Variants in ERC1 observed in about 807,000 individuals in gnomAD.
ERC1 encodes the protein RAB6 interacting protein 2.
Under a neutral mutation model 132.0 loss-of-function variants are expected in ERC1, and 56 were observed. The ratio of observed to expected loss-of-function variants is 0.42; its 90% confidence interval spans 0.34 to 0.53. The LOEUF is 0.53. Among genes scored for constraint, ERC1 ranks in the 20% least tolerant of loss-of-function variants. ERC1 has a pLI of 0.03. For synonymous variants in ERC1, 478 were observed against 476.1 expected, an observed-to-expected ratio of 1.00 and a Z score of -0.05; for missense variants, 1,202 against 1,349.9, an observed-to-expected ratio of 0.89 and a Z score of 1.72.
chr12:1,264,227 C>A (rs2077330323), intron 14 of ERC1, among the ~76,000 whole-genome samples: 1 of 152,116 alleles, frequency 6.6e-6, no homozygotes, highest in Admixed American at 6.5e-5. Flanking sequence ...TACATATATC[C>A]TGCATCTTTT....
chr12:1,395,290 A>T (rs2090434797), intron 16 of ERC1, among the ~76,000 whole-genome samples: 1 of 152,236 alleles, frequency 6.6e-6, no homozygotes. Flanking sequence ...ACTTTTAGGA[A>T]TGGCTTTTTA....
rs147847605 is a variant in ERC1 at position 1,371,855 on chromosome 12, A to G, written c.2803A>G (p.Ile935Val). Reference protein sequence around the residue: ...EMKQEALLAAISEKDANIALL... With the variant: ...EMKQEALLAAVSEKDANIALL... ...CAGGCAAGAAGCTCTTCTGGCTGCC[A>G]TTAGTGAAAAAGACGCCAATATAGC... The change falls in exon 16 of 19, where the codon ATT becomes GTT. Residue 935 changes from isoleucine (I) to valine (V), a missense_variant. Physicochemically the swap from Ile to Val is conservative, Grantham distance 29. Transcript: ENST00000360905. 3.9e-4 allele frequency: 628 copies of G among 1,613,778 alleles called. No individual in the cohort carries two copies. The highest frequency in any genetic ancestry group is 5.1e-4 in the Non-Finnish European group (607 of 1,179,994).
intron 1 of ERC1, among the ~76,000 whole-genome samples, chr12:1,015,399 AAG>A (rs773304787): frequency 2.7e-4 from 41 of 152,060 alleles, no homozygotes; most frequent in Non-Finnish European, 5.1e-4. Flanking sequence ...GATTGCCTGA[AAG>A]AAATTTTTTT....
At chr12:1,046,650 T>G (rs1038046330) in intron 2 of ERC1, among the ~76,000 whole-genome samples, 11 of 152,166 alleles carry the variant, frequency 7.2e-5, no homozygotes, top group Non-Finnish European at 1.5e-4. Flanking sequence ...ACAGAGTAAA[T>G]AATAATAGCT....
At chr12:1,252,809 A>G (rs542234538) in intron 13 of ERC1, among the ~76,000 whole-genome samples, 1 of 152,338 alleles carries the variant, frequency 6.6e-6, no homozygotes, top group East Asian at 1.9e-4. Context: ...TCATCAGTGC[A>G]TCTGGCTTCA....
At chr12:1,051,634 G>A (rs1257239968) in intron 2 of ERC1, among the ~76,000 whole-genome samples, 1 of 151,952 alleles carries the variant, frequency 6.6e-6, no homozygotes, top group African/African-American at 2.4e-5. Context: ...TGGGAGGATT[G>A]CTGGAGTCCA....
chr12:1,272,942 C>A (rs968752663), intron 14 of ERC1, among the ~76,000 whole-genome samples: 3 of 115,104 alleles, frequency 2.6e-5, no homozygotes, highest in African/African-American at 1.0e-4. Context: ...AGTGAGACTC[C>A]GTCTAAAAAA....
chr12:1,010,355 C>T (rs928030667), intron 1 of ERC1, among the ~76,000 whole-genome samples: 5 of 151,514 alleles, frequency 3.3e-5, no homozygotes, highest in Admixed American at 6.6e-5. Flanking sequence ...GTGGCGGGTG[C>T]CTGTAATCCC....
At chr12:1,387,748 T>C (rs1344111620) in intron 16 of ERC1, among the ~76,000 whole-genome samples, 1 of 152,200 alleles carries the variant, frequency 6.6e-6, no homozygotes, top group East Asian at 1.9e-4. Flanking sequence ...CACCATACTT[T>C]TGGACTTGGG....
chr12:997,346 G>C (rs139925356), intron 1 of ERC1, among the ~76,000 whole-genome samples: 2 of 152,172 alleles, frequency 1.3e-5, no homozygotes, highest in Non-Finnish European at 2.9e-5. Flanking sequence ...TGGAAAGTAC[G>C]AACATATGTG....
At position 1,078,438 on chromosome 12, in the gene ERC1, T is replaced by TC. The variant is rs1445825879; in HGVS notation, c.670-4726_670-4725insC. Among the ~76,000 whole-genome samples, 7 of 151,460 alleles carry TC rather than the reference T, an allele frequency of 4.6e-5. No individual in the cohort carries two copies. In the East Asian group the frequency reaches 1.4e-3, roughly 29 times the overall value. On this transcript the variant is annotated intron_variant, in intron 2 of 18. Transcript: ENST00000360905. ...ATATTCATGAATTTAAATTCCTGAT[T>TC]TTTTTTTTTTTGGTGAGTTTATTCT...
In ERC1 at chr12:1,022,657, C is replaced by T. The variant is rs1016147015; in HGVS notation, c.-156-5091C>T. ...ATGCTGTTCTGATAGTGAGTGCTCA[C>T]GAGATCGATTTTATTTTTTCTTTTT... On this transcript the variant is annotated intron_variant, in intron 1 of 18. Coordinates refer to ENST00000360905, the MANE Select transcript of ERC1 (RefSeq NM_178040.4). 9.2e-5 allele frequency among the ~76,000 whole-genome samples: 14 copies of T among 152,024 alleles called. No individual in the cohort carries two copies. In the East Asian group the frequency reaches 9.6e-4, roughly 10 times the overall value.
chr12:1,418,589 CTCTT>C (rs71055147), intron 17 of ERC1, among the ~76,000 whole-genome samples: 8,093 of 106,348 alleles, frequency 0.076, 407 homozygotes, highest in East Asian at 0.14. Flanking sequence ...TTCTTTCTTT[CTCTT>C]TCTTTCTTTC....
At chr12:1,147,235 G>A (rs1302343321) in intron 8 of ERC1, among the ~76,000 whole-genome samples, 2 of 152,118 alleles carry the variant, frequency 1.3e-5, no homozygotes, top group African/African-American at 4.8e-5. Context: ...ACTTTCCCCC[G>A]TTCAGCATAA....
At chr12:1,153,541 TCA>T (rs1332000109) in intron 8 of ERC1, among the ~76,000 whole-genome samples, 5 of 152,358 alleles carry the variant, frequency 3.3e-5, no homozygotes, top group Admixed American at 2.6e-4. Context: ...AGTCAACAGC[TCA>T]CAGTTTTCCT....
intron 17 of ERC1, among the ~76,000 whole-genome samples, chr12:1,442,535 A>G (rs2093186060): frequency 1.3e-5 from 2 of 152,210 alleles, no homozygotes; most frequent in South Asian, 2.1e-4. Flanking sequence ...TGCTAAATTG[A>G]TTAATTTTCT....
chr12:1,185,807 G>C (rs1224926489), intron 11 of ERC1, among the ~76,000 whole-genome samples: 1 of 150,856 alleles, frequency 6.6e-6, no homozygotes, highest in Non-Finnish European at 1.5e-5. Context: ...TTTTTCCTGA[G>C]ACTTTGGAAA....
Position 1,235,064 on chromosome 12 carries a change from A to T in ERC1, c.2352-1705A>T, listed in dbSNP as rs547966977. Among the ~76,000 whole-genome samples the T allele has an allele frequency of 6.0e-4, 92 of 152,350 alleles. 1 individual carries two copies. The highest frequency in any genetic ancestry group is 2.1e-3 in the African/African-American group (88 of 41,586). ...ATATTATAAAGGAGAAGATTGATAC[A>T]TTTGAAACAATTAAAAGTTTTAGGC... On this transcript the variant is annotated intron_variant, in intron 12 of 18. Transcript: ENST00000360905.
chr12:1,102,168 G>A (rs12322500), intron 3 of ERC1, among the ~76,000 whole-genome samples: 34,431 of 151,934 alleles, frequency 0.23, 4,017 homozygotes, highest in Non-Finnish European at 0.25. Context: ...AGTTTGCAAA[G>A]GAGGTGAACT....
Sources: allele counts gnomAD v4.1 joint callset (sites outside exome capture counted in the v4.1 genomes callset), GRCh38; gene constraint gnomAD v4.1.1; transcripts MANE v1.5; gene names NCBI Gene and HGNC (gene_info 2026-07-23, HGNC 2026-07-21).